Variants in PRR16 observed in about 807,000 individuals in gnomAD.
The protein encoded by PRR16 is protein Largen.
In PRR16, 6 loss-of-function variants were observed where a neutral mutation model predicts 18.2. The ratio of observed to expected loss-of-function variants is 0.33; its 90% CI spans 0.18 to 0.65. The LOEUF is 0.65. Ranked by LOEUF, PRR16 falls within the 30% of genes least tolerant of loss-of-function variation. The probability of loss-of-function intolerance (pLI) is 0.74; values close to 1 mark genes in which losing one functional copy is unlikely to be tolerated. For missense variants in PRR16, 412 were observed against 376.6 expected (o/e 1.09, Z -0.78); for synonymous variants, 151 against 147.8 (o/e 1.02, Z -0.16).
At chr5:120,770,950 T>TCTCTCACACACA in the PRR16 span, among the ~76,000 whole-genome samples, 7 of 148,968 alleles carry the variant, frequency 4.7e-5, no homozygotes, top group Middle Eastern at 7.0e-3. Flanking sequence ...TCTCTCTCTC[T>TCTCTCACACACA]CACACACACA....
In PRR16 at chr5:120,464,509, AC is replaced by A; in HGVS notation, c.27del (p.Ser10ProfsTer17). The part of the protein sequence containing the change: MSAKSKG[N>X]PSSSCPAEGP... ...AGAATGTCAGCCAAGTCCAAGGGGA[AC>A]CCCTCCTCGTCCTGTCCAGCCGAGG... is the stretch of plus-strand genomic sequence containing the variant. On this transcript the variant is annotated frameshift_variant, in exon 1 of 2. Coordinates refer to ENST00000407149, the MANE Select transcript of PRR16 (RefSeq NM_001300783.2). LOFTEE classifies it high-confidence loss of function. 6.3e-7 allele frequency: 1 copy of A among 1,589,320 alleles called. No homozygotes were observed. The highest frequency in any genetic ancestry group is 1.3e-5 in the African/African-American group (1 of 74,846).
chr5:120,569,424 T>C (rs1342240676), intron 1 of PRR16, among the ~76,000 whole-genome samples: 1 of 152,160 alleles, frequency 6.6e-6, no homozygotes, highest in East Asian at 1.9e-4. Context: ...AGAATCTGTA[T>C]ACTTGAAATG....
At chr5:120,678,447 C>T (rs1756875174) in intron 1 of PRR16, among the ~76,000 whole-genome samples, 1 of 152,166 alleles carries the variant, frequency 6.6e-6, no homozygotes, top group Admixed American at 6.5e-5. Context: ...CCTCACTAGG[C>T]AAATTCTTAG....
intron 1 of PRR16, among the ~76,000 whole-genome samples, chr5:120,645,078 A>G (rs1372926524): frequency 6.6e-6 from 1 of 151,930 alleles, no homozygotes; most frequent in Non-Finnish European, 1.5e-5. Context: ...TGAAACCTAT[A>G]CCTTTTTAAT....
intron 1 of PRR16, among the ~76,000 whole-genome samples, chr5:120,567,043 T>C (rs958337529): frequency 9.9e-5 from 15 of 152,192 alleles, no homozygotes; most frequent in African/African-American, 3.6e-4. Context: ...CAGTTTGTCT[T>C]GGGCCCTTCA....
chr5:120,788,843 AT>A, the PRR16 span, among the ~76,000 whole-genome samples: 3 of 151,712 alleles, frequency 2.0e-5, no homozygotes, highest in East Asian at 3.9e-4. Flanking sequence ...AGAGTTACTG[AT>A]TTTTTTTCCT....
At chr5:120,568,979 C>G (rs2112731574) in intron 1 of PRR16, among the ~76,000 whole-genome samples, 1 of 152,114 alleles carries the variant, frequency 6.6e-6, no homozygotes, top group Admixed American at 6.5e-5. Flanking sequence ...TTTTATGCCC[C>G]AACTTCTAAA....
At chr5:120,610,896 C>T (rs1038070831) in intron 1 of PRR16, among the ~76,000 whole-genome samples, 11 of 152,138 alleles carry the variant, frequency 7.2e-5, no homozygotes, top group Non-Finnish European at 1.3e-4. Flanking sequence ...GTTTGGAGGA[C>T]TCAGAAGAAG....
chr5:120,617,952 G>T (rs1754569173), intron 1 of PRR16, among the ~76,000 whole-genome samples: 1 of 152,016 alleles, frequency 6.6e-6, no homozygotes, highest in Non-Finnish European at 1.5e-5. Flanking sequence ...GTCAGTACAG[G>T]TTTCTTTGGT....
intron 1 of PRR16, among the ~76,000 whole-genome samples, chr5:120,526,550 G>A (rs1308333887): frequency 1.3e-5 from 2 of 152,030 alleles, no homozygotes; most frequent in Non-Finnish European, 2.9e-5. Flanking sequence ...TCAACTGTGT[G>A]TCCAACCCTG....
At chr5:120,745,208 C>A in the PRR16 span, among the ~76,000 whole-genome samples, 43 of 149,870 alleles carry the variant, frequency 2.9e-4, no homozygotes, top group Non-Finnish European at 5.3e-4. Flanking sequence ...TCTTACTACC[C>A]CAGAAATCTC....
At chr5:120,673,543 A>G (rs1359486869) in intron 1 of PRR16, among the ~76,000 whole-genome samples, 2 of 152,242 alleles carry the variant, frequency 1.3e-5, no homozygotes, top group African/African-American at 4.8e-5. Context: ...AGTGTCTGTT[A>G]ACATTTTTAT....
intron 1 of PRR16, among the ~76,000 whole-genome samples, chr5:120,565,537 A>G (rs1752710352): frequency 6.6e-6 from 1 of 152,210 alleles, no homozygotes; most frequent in Admixed American, 6.5e-5. Context: ...TTGAATTTCT[A>G]ATTCATCAAA....
chr5:120,544,939 A>G (rs1379384543), intron 1 of PRR16, among the ~76,000 whole-genome samples: 1 of 152,116 alleles, frequency 6.6e-6, no homozygotes, highest in South Asian at 2.1e-4. Flanking sequence ...ATATCTCACA[A>G]GTGATTTTCT....
chr5:120,788,952 AC>A, the PRR16 span, among the ~76,000 whole-genome samples: 2 of 152,032 alleles, frequency 1.3e-5, no homozygotes, highest in African/African-American at 4.8e-5. Flanking sequence ...TAGAATAGTG[AC>A]TAGTAATTTT....
At chr5:120,737,759 G>A in the PRR16 span, among the ~76,000 whole-genome samples, 1 of 151,580 alleles carries the variant, frequency 6.6e-6, no homozygotes, top group Non-Finnish European at 1.5e-5. Context: ...TTGTTGGTTT[G>A]TTTGGATATT....
At chr5:120,775,796 A>ATTTTTTTTTTTTTTTTT in the PRR16 span, among the ~76,000 whole-genome samples, 3 of 80,616 alleles carry the variant, frequency 3.7e-5, no homozygotes, top group African/African-American at 4.2e-5. Context: ...ACGCCTGGCT[A>ATTTTTTTTTTTTTTTTT]TTTTTTTTTT....
At chr5:120,483,751 A>G (rs553479805) in intron 1 of PRR16, among the ~76,000 whole-genome samples, 14 of 152,260 alleles carry the variant, frequency 9.2e-5, no homozygotes, top group African/African-American at 2.9e-4. Context: ...AAAATAAAAT[A>G]TTGTTTAGTT....
chr5:120,794,494 T>G, the PRR16 span, among the ~76,000 whole-genome samples: 1 of 152,170 alleles, frequency 6.6e-6, no homozygotes, highest in Non-Finnish European at 1.5e-5. Flanking sequence ...ATATGTGATT[T>G]TTGATGTTAC....
Sources: allele counts gnomAD v4.1 joint callset (sites outside exome capture counted in the v4.1 genomes callset), GRCh38; gene constraint gnomAD v4.1.1; transcripts MANE v1.5; gene names NCBI Gene and HGNC (gene_info 2026-07-23, HGNC 2026-07-21).